The following PDGFD variants were observed in gnomAD, a reference collection of about 807,000 sequenced individuals.
PDGFD encodes the protein platelet derived growth factor D.
Under a neutral mutation model 44.7 loss-of-function variants are expected in PDGFD, and 30 were observed. The observed-to-expected ratio is 0.67, with a 90% CI of 0.50 to 0.91. The LOEUF (loss-of-function observed/expected upper bound fraction) is 0.91. Among genes scored for constraint, PDGFD ranks in the 40% least tolerant of loss-of-function variants. PDGFD has a pLI of 0.00. For synonymous variants in PDGFD, 173 were observed against 168.4 expected, an observed-to-expected ratio of 1.03 and a Z score of -0.21; for missense variants, 445 against 457.8, an observed-to-expected ratio of 0.97 and a Z score of 0.25.
At chr11:103,974,509 G>C (rs1165011656) in intron 3 of PDGFD, among the ~76,000 whole-genome samples, 2 of 152,104 alleles carry the variant, frequency 1.3e-5, no homozygotes, top group Non-Finnish European at 2.9e-5. Flanking sequence ...TGTGCAGAAT[G>C]TGCAGGTTTG....
chr11:104,099,974 A>T (rs1165156257), intron 1 of PDGFD, among the ~76,000 whole-genome samples: 1 of 152,134 alleles, frequency 6.6e-6, no homozygotes, highest in African/African-American at 2.4e-5. Flanking sequence ...AATACCTCTC[A>T]ATCCACAAAT....
intron 3 of PDGFD, among the ~76,000 whole-genome samples, chr11:103,993,764 A>T (rs1252887877): frequency 1.3e-5 from 2 of 152,220 alleles, no homozygotes; most frequent in Non-Finnish European, 2.9e-5. Context: ...GGTTAAGCTC[A>T]TTCTATCTCT....
chr11:104,150,155 C>T (rs953982291), intron 1 of PDGFD, among the ~76,000 whole-genome samples: 4 of 151,894 alleles, frequency 2.6e-5, no homozygotes, highest in African/African-American at 9.7e-5. Flanking sequence ...ACATATGAGC[C>T]AACAAATGAA....
rs200420548 is a variant in PDGFD at position 104,051,845 on chromosome 11, AT to A, written c.125-51591del. On this transcript the variant is annotated intron_variant, in intron 1 of 6. Coordinates refer to ENST00000393158, the MANE Select transcript of PDGFD (RefSeq NM_025208.5). ...AAAAATAAAAAAAAATTATGGTACAATTTTTTTAATTGAGGTTAAATTTATA... is the reference window on the plus strand; with the variant it reads ...AAAAATAAAAAAAAATTATGGTACAATTTTTTAATTGAGGTTAAATTTATA... 3.1e-3 allele frequency among the ~76,000 whole-genome samples: 474 copies of A among 152,282 alleles called. 1 individual carries two copies. The highest frequency in any genetic ancestry group is 0.011 in the African/African-American group (460 of 41,548).
intron 1 of PDGFD, among the ~76,000 whole-genome samples, chr11:104,079,802 T>C (rs564670707): frequency 1.0e-3 from 118 of 113,566 alleles, no homozygotes; most frequent in Non-Finnish European, 1.6e-3. Flanking sequence ...TAGATATATA[T>C]ATATAAAACC....
At chr11:103,922,435 C>G (rs1858239625) in intron 6 of PDGFD, among the ~76,000 whole-genome samples, 2 of 152,124 alleles carry the variant, frequency 1.3e-5, no homozygotes, top group Admixed American at 6.6e-5. Context: ...CTTCCCCTCA[C>G]CCTCCATCCT....
chr11:104,005,337 C>T (rs966530512), intron 1 of PDGFD, among the ~76,000 whole-genome samples: 1 of 152,144 alleles, frequency 6.6e-6, no homozygotes, highest in Non-Finnish European at 1.5e-5. Flanking sequence ...AAGTGTTCTT[C>T]CTTCTTAGTC....
chr11:104,017,976 T>C (rs1011290352), intron 1 of PDGFD, among the ~76,000 whole-genome samples: 12 of 152,106 alleles, frequency 7.9e-5, no homozygotes, highest in Admixed American at 5.2e-4. Flanking sequence ...AGACAGAGAT[T>C]TTCAGATTAA....
intron 3 of PDGFD, among the ~76,000 whole-genome samples, chr11:103,979,617 C>G (rs1396715556): frequency 1.3e-5 from 2 of 152,036 alleles, no homozygotes; most frequent in African/African-American, 4.8e-5. Context: ...TCAGCCTGGT[C>G]TACAAGAAAG....
chr11:103,992,861 G>T (rs747894073), intron 3 of PDGFD, among the ~76,000 whole-genome samples: 14 of 152,172 alleles, frequency 9.2e-5, no homozygotes, highest in Non-Finnish European at 1.8e-4. Context: ...TGCAGTCCTG[G>T]ATACCTACTA....
rs117981485 is a variant in PDGFD, at chr11:104,064,288, C to T, written c.125-64033G>A. ...AAATCACCCCATGTGATATATACAT[C>T]GACTGGGCTTACAAGGAAATCCAGT... is the stretch of plus-strand genomic sequence containing the variant. On this transcript the variant is annotated intron_variant, in intron 1 of 6. Coordinates refer to ENST00000393158, the MANE Select transcript of PDGFD (RefSeq NM_025208.5). 7.6e-3 allele frequency among the ~76,000 whole-genome samples: 1,163 copies of T among 152,306 alleles called. 9 individuals carry two copies. The highest frequency in any genetic ancestry group is 0.015 in the Admixed American group (232 of 15,300).
At chr11:104,077,254 T>C (rs991034704) in intron 1 of PDGFD, among the ~76,000 whole-genome samples, 2 of 152,156 alleles carry the variant, frequency 1.3e-5, no homozygotes, top group Non-Finnish European at 2.9e-5. Flanking sequence ...GTAGACGACA[T>C]GACTGGTGAC....
At chr11:104,004,154 T>C (rs759022609) in intron 1 of PDGFD, among the ~76,000 whole-genome samples, 8 of 152,196 alleles carry the variant, frequency 5.3e-5, no homozygotes, top group Non-Finnish European at 1.2e-4. Flanking sequence ...ACTCTGGTTA[T>C]AAATGAATGC....
chr11:104,098,764 C>T (rs1343074221), intron 1 of PDGFD, among the ~76,000 whole-genome samples: 1 of 152,136 alleles, frequency 6.6e-6, no homozygotes, highest in Non-Finnish European at 1.5e-5. Context: ...GATATTACCA[C>T]CTCGGTCTCC....
At chr11:103,961,158 G>A (rs999464354) in intron 3 of PDGFD, among the ~76,000 whole-genome samples, 6 of 152,152 alleles carry the variant, frequency 3.9e-5, no homozygotes, top group Non-Finnish European at 7.4e-5. Flanking sequence ...CTACAACAGG[G>A]CCTGTTAACC....
At chr11:104,099,645 TAA>T (rs1385195870) in intron 1 of PDGFD, among the ~76,000 whole-genome samples, 1 of 141,898 alleles carries the variant, frequency 7.0e-6, no homozygotes, top group Non-Finnish European at 1.5e-5. Context: ...ACAATAATAA[TAA>T]TAATAATAAT....
At chr11:104,098,807 G>C (rs563211204) in intron 1 of PDGFD, among the ~76,000 whole-genome samples, 2 of 151,920 alleles carry the variant, frequency 1.3e-5, no homozygotes, top group Non-Finnish European at 2.9e-5. Flanking sequence ...AGCCTCTTCT[G>C]TTTTTCTTAT....
At chr11:104,071,541 A>C (rs1860877522) in intron 1 of PDGFD, among the ~76,000 whole-genome samples, 1 of 151,732 alleles carries the variant, frequency 6.6e-6, no homozygotes, top group Non-Finnish European at 1.5e-5. Flanking sequence ...TTCATATGTA[A>C]GTAAAAGTAT....
intron 1 of PDGFD, among the ~76,000 whole-genome samples, chr11:104,016,812 G>C (rs1209842348): frequency 6.6e-6 from 1 of 152,194 alleles, no homozygotes; most frequent in Non-Finnish European, 1.5e-5. Context: ...AATCTGTTTG[G>C]TGTAAAGGTG....
Sources: allele counts gnomAD v4.1 joint callset (sites outside exome capture counted in the v4.1 genomes callset), GRCh38; gene constraint gnomAD v4.1.1; transcripts MANE v1.5; gene names NCBI Gene and HGNC (gene_info 2026-07-23, HGNC 2026-07-21).